The following TTC27 variants were observed in gnomAD, a reference collection of about 807,000 sequenced individuals.
The protein encoded by TTC27 is tetratricopeptide repeat domain 27.
TTC27 carries 79 observed loss-of-function variants against 115.9 expected under a neutral mutation model. The observed-to-expected ratio is 0.68, with a 90% confidence interval of 0.57 to 0.82. The LOEUF is 0.82. TTC27 is among the 40% of genes least tolerant of loss of function. The pLI is 0.00. For synonymous variants in TTC27, 401 were observed against 356.0 expected, an observed-to-expected ratio of 1.13 and a Z score of -1.42; for missense variants, 1,054 against 993.1, an observed-to-expected ratio of 1.06 and a Z score of -0.82.
intron 18 of TTC27, among the ~76,000 whole-genome samples, chr2:32,813,637 A>G (rs1348903476): frequency 1.3e-5 from 2 of 152,218 alleles, no homozygotes; most frequent in Non-Finnish European, 2.9e-5. Context: ...GACTTGAGCT[A>G]TAGATGATAA....
At chr2:32,679,942 A>G (rs1195433151) in intron 9 of TTC27, among the ~76,000 whole-genome samples, 1 of 152,162 alleles carries the variant, frequency 6.6e-6, no homozygotes, top group Non-Finnish European at 1.5e-5. Context: ...AGTGAGCCAC[A>G]CTGCACTTCA....
At chr2:32,659,549 T>C (rs1665457150) in intron 5 of TTC27, among the ~76,000 whole-genome samples, 1 of 152,172 alleles carries the variant, frequency 6.6e-6, no homozygotes, top group Admixed American at 6.6e-5. Context: ...ATTTTTATTT[T>C]ATTATACTTT....
rs1355003643 is a variant in TTC27, at chr2:32,678,861, A to C, written c.1058A>C (p.Asn353Thr). Residue 353 changes from asparagine (N) to threonine (T), a missense_variant, in exon 9 of 20, where the codon AAT becomes ACT. By Grantham distance (65) the Asn-to-Thr change is moderately conservative. Transcript: ENST00000317907. ...CTTTTTTTCTTAATTTAAAGCACTA[A>C]TTTTCAAAAGAATAACCCAGTGCAC... The part of the protein sequence containing the change: ...EIAIILGICT[N>T]FQKNNPVHTL... 1 of 1,608,790 alleles carries C rather than the reference A, an allele frequency of 6.2e-7. No homozygotes were observed. The highest frequency in any genetic ancestry group is 2.2e-5 in the East Asian group (1 of 44,786).
At chr2:32,646,288 ACAGT>A (rs1664857276) in intron 4 of TTC27, among the ~76,000 whole-genome samples, 2 of 152,048 alleles carry the variant, frequency 1.3e-5, no homozygotes, top group East Asian at 3.9e-4. Context: ...TTGGCCTCCC[ACAGT>A]GCTGGGATTA....
At chr2:32,733,996 A>T in intron 11 of TTC27, 73 bp downstream of exon 11, 1 of 1,024,868 alleles carries the variant, frequency 9.8e-7, no homozygotes. Context: ...TAAATTGATG[A>T]TTTTAATTTA....
chr2:32,820,982 G>A lies in TTC27; in HGVS notation c.*44G>A, dbSNP rs755637899. 4.2e-6 allele frequency: 6 copies of A among 1,429,858 alleles called. No homozygotes were observed. In the South Asian group the frequency reaches 9.5e-5, roughly 23 times the overall value. The allele number at this position is 1,429,858 out of a possible 1,614,324, so 88.6% of individuals were successfully genotyped here. On this transcript the variant is annotated 3_prime_UTR_variant, in exon 20 of 20. Transcript: ENST00000317907. ...CTGGAAAAGGTGCTTTCACCTGCTG[G>A]TAAAAGATACATCTGTATATCTGAA...
At chr2:32,691,678 G>C (rs1347474799) in intron 9 of TTC27, among the ~76,000 whole-genome samples, 1 of 152,026 alleles carries the variant, frequency 6.6e-6, no homozygotes, top group African/African-American at 2.4e-5. Context: ...AATTGCTGAA[G>C]AGAATTGATT....
chr2:32,679,881 A>G (rs527748168), intron 9 of TTC27, among the ~76,000 whole-genome samples: 3 of 151,972 alleles, frequency 2.0e-5, no homozygotes, highest in African/African-American at 2.4e-5. Context: ...AACCCCAGCT[A>G]CTCTAGAAGC....
At chr2:32,674,179 C>G (rs1019748193) in intron 8 of TTC27, among the ~76,000 whole-genome samples, 12 of 148,794 alleles carry the variant, frequency 8.1e-5, no homozygotes, top group African/African-American at 2.7e-4. Flanking sequence ...GAGACAGAGT[C>G]TTGCACTGTC....
rs116562218 is a variant in TTC27, at chr2:32,734,147, G to A, written c.1329+224G>A. On this transcript the variant is annotated intron_variant, in intron 11 of 19. Coordinates refer to ENST00000317907, the MANE Select transcript of TTC27 (RefSeq NM_017735.5). ...AAATAATTTAAAATCTTATGAAATA[G>A]AATCCTAGAAATAAAATAATAGAAT... is the stretch of plus-strand genomic sequence containing the variant. 9.4e-3 allele frequency among the ~76,000 whole-genome samples: 1,438 copies of A among 152,260 alleles called. 12 individuals are homozygous for A. The highest frequency in any genetic ancestry group is 0.024 in the Middle Eastern group (7 of 294).
At chr2:32,782,589 G>A (rs761812458) in intron 14 of TTC27, 37 bp from the exon 15 acceptor site, 83 of 1,594,196 alleles carry the variant, frequency 5.2e-5, no homozygotes, top group South Asian at 1.1e-4. Context: ...TTACCTAAAT[G>A]AGAAGAGTTA....
At chr2:32,736,046 C>A (rs925719038) in intron 11 of TTC27, among the ~76,000 whole-genome samples, 23 of 152,096 alleles carry the variant, frequency 1.5e-4, no homozygotes, top group Non-Finnish European at 3.1e-4. Context: ...TCTGACCTTA[C>A]CTACTTTTTT....
intron 3 of TTC27, among the ~76,000 whole-genome samples, chr2:32,636,012 C>A (rs1364590851): frequency 6.6e-6 from 1 of 152,098 alleles, no homozygotes; most frequent in Non-Finnish European, 1.5e-5. Context: ...ACCCCAAACC[C>A]TAAATGATTG....
In TTC27 at chr2:32,758,335, C is replaced by G; in HGVS notation, c.1496C>G (p.Pro499Arg). The change falls in exon 13 of 20, where the codon CCT becomes CGT. Residue 499 changes from proline to arginine, a missense_variant. Transcript: ENST00000317907. ...LRQELEKKET[P>R]SLYCLLGDVL... The stretch of plus-strand genomic sequence containing the variant: ...CAAGAGCTGGAGAAAAAAGAAACGC[C>G]TAGTTTATACTGCTTGCTTGGAGAT... 2 of 1,614,136 alleles carry G rather than the reference C, an allele frequency of 1.2e-6. No homozygotes were observed. The highest frequency in any genetic ancestry group is 1.7e-6 in the Non-Finnish European group (2 of 1,180,028).
At position 32,650,190 on chromosome 2, in the gene TTC27, C is replaced by G; in HGVS notation, c.597C>G (p.Arg199=). Reference sequence around the variant, plus strand: ...TTCATCAGCATTTGCTTGAGGAACGCTCACCTCTGCTTTTTACTCTTGCCG... The same window carrying G: ...TTCATCAGCATTTGCTTGAGGAACGGTCACCTCTGCTTTTTACTCTTGCCG... ...VNIHQHLLEE[R]SPLLFTLAEN... The change falls in exon 5 of 20, where the codon CGC becomes CGG. Residue 199 remains arginine (R), a synonymous_variant. Transcript: ENST00000317907. 1 of 1,613,858 alleles carries G rather than the reference C, an allele frequency of 6.2e-7. No individual in the cohort carries two copies. Among genetic ancestry groups the G allele is most frequent in the Non-Finnish European group, 8.5e-7 (1 of 1,179,898 alleles).
intron 12 of TTC27, among the ~76,000 whole-genome samples, chr2:32,746,652 C>T (rs1668842874): frequency 6.8e-6 from 1 of 148,014 alleles, no homozygotes; most frequent in Non-Finnish European, 1.5e-5. Flanking sequence ...CTTTTGCATT[C>T]TGTGAAGATT....
At chr2:32,818,084 A>G (rs992346149) in intron 19 of TTC27, among the ~76,000 whole-genome samples, 2 of 152,044 alleles carry the variant, frequency 1.3e-5, no homozygotes, top group African/African-American at 2.4e-5. Flanking sequence ...CTTTGAAACT[A>G]ATGTTTACAA....
chr2:32,788,464 T>C (rs1277933945), intron 16 of TTC27, among the ~76,000 whole-genome samples: 1 of 152,206 alleles, frequency 6.6e-6, no homozygotes, highest in Non-Finnish European at 1.5e-5. Context: ...AGTCTGCTTT[T>C]CTATCCTCTT....
intron 18 of TTC27, among the ~76,000 whole-genome samples, chr2:32,813,068 G>A (rs926396506): frequency 4.6e-5 from 7 of 152,080 alleles, no homozygotes; most frequent in African/African-American, 1.7e-4. Flanking sequence ...AAATGGTAGA[G>A]GATATTGTTT....
Sources: gnomAD v4.1 joint callset for allele counts (sites outside exome capture counted in the v4.1 genomes callset) on GRCh38, gnomAD v4.1.1 for gene constraint, MANE v1.5 for transcripts, NCBI Gene and HGNC (gene_info 2026-07-23, HGNC 2026-07-21) for gene names.